The following CUBN variants were observed in gnomAD, a reference collection of about 807,000 sequenced individuals.
CUBN encodes the protein 460 kDa receptor.
CUBN carries 282 observed loss-of-function variants against 405.3 expected under a neutral mutation model. The observed-to-expected ratio is 0.70, with a 90% confidence interval of 0.63 to 0.77. The LOEUF is 0.77. CUBN is among the 30% of genes least tolerant of loss of function. CUBN has a pLI of 0.00. For missense variants in CUBN, 4,514 were observed against 4,475.2 expected (o/e 1.01, Z -0.25); for synonymous variants, 1,684 against 1,617.0 (o/e 1.04, Z -0.99).
chr10:17,086,297 T>C (rs575951487), intron 15 of CUBN, among the ~76,000 whole-genome samples: 1 of 152,184 alleles, frequency 6.6e-6, no homozygotes, highest in Non-Finnish European at 1.5e-5. Flanking sequence ...GCTGGACATA[T>C]AGTTAGAATT....
At chr10:16,987,536 TC>T (rs1234338891) in intron 29 of CUBN, among the ~76,000 whole-genome samples, 2 of 152,196 alleles carry the variant, frequency 1.3e-5, no homozygotes, top group African/African-American at 4.8e-5. Context: ...TGGGCCACTT[TC>T]CGGACTCTGA....
intron 6 of CUBN, 99 bp from the exon 7 acceptor site, chr10:17,115,696 C>T (rs1355068302): frequency 5.5e-6 from 8 of 1,446,914 alleles, no homozygotes; most frequent in East Asian, 2.3e-5. Context: ...TACAAATCAA[C>T]GATGTTAACT....
chr10:17,076,145 C>T (rs942552243), intron 17 of CUBN, among the ~76,000 whole-genome samples: 1 of 152,000 alleles, frequency 6.6e-6, no homozygotes, highest in Admixed American at 6.6e-5. Context: ...TGGGCCATTC[C>T]CCTGGGCCCC....
In CUBN at chr10:16,834,630, C is replaced by G. The variant is rs1839113773; in HGVS notation, c.10362+384G>C. ...ATCATTGAGCTTCATTTTACAGAACCAGCATGTTGTCCTTAGACTTCCCTC... is the reference window on the plus strand; with the variant it reads ...ATCATTGAGCTTCATTTTACAGAACGAGCATGTTGTCCTTAGACTTCCCTC... On this transcript the variant is annotated intron_variant, in intron 64 of 66. Coordinates refer to ENST00000377833, the MANE Select transcript of CUBN (RefSeq NM_001081.4). Among the ~76,000 whole-genome samples the G allele has an allele frequency of 2.0e-5, 3 of 152,188 alleles. No individual in the cohort carries two copies. The South Asian group carries it at 6.2e-4, about 32-fold the overall frequency.
Position 16,906,360 on chromosome 10 carries a change from A to G in CUBN, c.7755T>C (p.Pro2585=). Residue 2585 remains proline (P), a synonymous_variant, in exon 50 of 67, where the codon CCT becomes CCC. Transcript: ENST00000377833. ...AGTAATTCCTGACTCCGTCATAGCC[A>G]GGAGAAGTAAAGTTTCCTTCAGGAG... is the stretch of plus-strand genomic sequence containing the variant. ...PNTPEGNFTS[P]GYDGVRNYSR... The G allele has an allele frequency of 6.2e-7, 1 of 1,614,132 alleles. No homozygotes were observed. The highest frequency in any genetic ancestry group is 8.5e-7 in the Non-Finnish European group (1 of 1,179,976).
Position 16,899,184 on chromosome 10 carries a change from C to A in CUBN, c.8411-1G>T. 1 of 1,612,578 alleles carries A rather than the reference C, an allele frequency of 6.2e-7. No homozygotes were observed. The highest frequency in any genetic ancestry group is 8.5e-7 in the Non-Finnish European group (1 of 1,178,608). On this transcript the variant is annotated splice_acceptor_variant, in intron 53 of 66. Transcript: ENST00000377833. LOFTEE classifies it high-confidence loss of function. Reference sequence around the variant, plus strand: ...TCAGAATGAAATATTCCACCACAACCTGAAATATTGCCATGTAAAAAGCCA... The same window carrying A: ...TCAGAATGAAATATTCCACCACAACATGAAATATTGCCATGTAAAAAGCCA...
At chr10:17,102,258 T>C (rs1836510697) in intron 13 of CUBN, among the ~76,000 whole-genome samples, 1 of 39,452 alleles carries the variant, frequency 2.5e-5, no homozygotes, top group Non-Finnish European at 5.4e-5. Context: ...TCCTCCTATT[T>C]ATTTATTTAT....
intron 7 of CUBN, 91 bp from the exon 8 acceptor site, chr10:17,114,280 C>G: frequency 7.6e-7 from 1 of 1,307,576 alleles, no homozygotes; most frequent in Non-Finnish European, 1.1e-6. Context: ...AACTGTTTAT[C>G]CTCTAACGTT....
chr10:16,950,688 C>T (rs1262511566), intron 33 of CUBN, among the ~76,000 whole-genome samples: 1 of 152,134 alleles, frequency 6.6e-6, no homozygotes. Flanking sequence ...GGAATAGATG[C>T]TTTTGAAACT....
Position 16,990,329 on chromosome 10 carries a change from C to T in CUBN, c.4350+5G>A, listed in dbSNP as rs200324164. 1.6e-4 allele frequency: 253 copies of T among 1,614,154 alleles called. 1 individual carries two copies. The Admixed American group carries it at 4.1e-3, about 26-fold the overall frequency. ...ATGTGCTGAAAAAACCATCTCACTTCCTACCTCCAAGACATCAAAGTTGCA... is the reference window on the plus strand; with the variant it reads ...ATGTGCTGAAAAAACCATCTCACTTTCTACCTCCAAGACATCAAAGTTGCA... On this transcript the variant is annotated splice_donor_5th_base_variant and intron_variant, in intron 29 of 66. Coordinates refer to ENST00000377833, the MANE Select transcript of CUBN (RefSeq NM_001081.4).
chr10:17,013,679 C>G (rs142418282), intron 28 of CUBN, among the ~76,000 whole-genome samples: 328 of 152,348 alleles, frequency 2.2e-3, no homozygotes, highest in African/African-American at 7.5e-3. Flanking sequence ...ATTAGATAAG[C>G]ATACTTGCTA....
intron 27 of CUBN, among the ~76,000 whole-genome samples, chr10:17,029,650 A>G (rs1199252116): frequency 2.0e-5 from 3 of 152,232 alleles, no homozygotes; most frequent in Non-Finnish European, 4.4e-5. Context: ...GCTCTAAGCA[A>G]AATGCAAAAG....
chr10:17,076,366 C>A (rs907073998), intron 17 of CUBN, among the ~76,000 whole-genome samples: 7 of 151,880 alleles, frequency 4.6e-5, no homozygotes, highest in African/African-American at 7.3e-5. Flanking sequence ...TTAACTACAA[C>A]TCCTTTGAAA....
chr10:16,856,327 G>A (rs945849672), intron 59 of CUBN, among the ~76,000 whole-genome samples: 1 of 151,878 alleles, frequency 6.6e-6, no homozygotes, highest in African/African-American at 2.4e-5. Flanking sequence ...AAGAACAAAC[G>A]TCACTCTTTC....
At chr10:17,065,472 G>A (rs776683239) in intron 22 of CUBN, 36 bp downstream of exon 22, 5 of 1,611,124 alleles carry the variant, frequency 3.1e-6, no homozygotes, top group Non-Finnish European at 4.2e-6. Flanking sequence ...TTGCAATGGA[G>A]TCAATAAAAC....
intron 48 of CUBN, among the ~76,000 whole-genome samples, chr10:16,908,044 T>A (rs532745037): frequency 2.0e-5 from 3 of 152,238 alleles, no homozygotes; most frequent in East Asian, 1.9e-4. Flanking sequence ...TTCTTAACAA[T>A]GCATCAGGAC....
At chr10:17,005,938 A>T (rs1235185852) in intron 28 of CUBN, among the ~76,000 whole-genome samples, 4 of 152,208 alleles carry the variant, frequency 2.6e-5, no homozygotes, top group Non-Finnish European at 5.9e-5. Flanking sequence ...TGTCCTTATA[A>T]GGAGCAAATT....
intron 31 of CUBN, among the ~76,000 whole-genome samples, chr10:16,974,882 G>A (rs2932907): frequency 0.94 from 143,107 of 152,300 alleles, 67,500 homozygotes; most frequent in Non-Finnish European, 0.97. Context: ...CTTCTTTACA[G>A]TTTTCTTGAT....
Position 16,918,641 on chromosome 10 carries a change from G to A in CUBN, c.6981C>T (p.Phe2327=). Residue 2327 remains phenylalanine, a synonymous_variant, in exon 45 of 67, where the codon TTC becomes TTT. Transcript: ENST00000377833. ...TATTACCTATAGAATACTTGGCCTT[G>A]AATCCCACATGTGTGGGGCTGTTGT... ...RSDNSPTHVG[F]KAKYSIAQCG... is the part of the protein sequence containing the mutation. 6.2e-7 allele frequency: 1 copy of A among 1,613,500 alleles called. No homozygotes were observed. Among genetic ancestry groups the A allele is most frequent in the Non-Finnish European group, 8.5e-7 (1 of 1,179,586 alleles).
Sources: gnomAD v4.1 joint callset for allele counts (sites outside exome capture counted in the v4.1 genomes callset) on GRCh38, gnomAD v4.1.1 for gene constraint, MANE v1.5 for transcripts, NCBI Gene and HGNC (gene_info 2026-07-23, HGNC 2026-07-21) for gene names.